KCNQ1: variants seen among roughly 807,000 people sequenced by gnomAD.
KCNQ1 encodes potassium voltage-gated channel subfamily Q member 1, also known as potassium voltage-gated channel subfamily KQT member 1.
KCNQ1 carries 49 observed loss-of-function variants against 72.4 expected under a neutral mutation model. The ratio of observed to expected loss-of-function variants is 0.68; its 90% CI spans 0.54 to 0.86. The LOEUF is 0.86. Among genes scored for constraint, KCNQ1 ranks in the 40% least tolerant of loss-of-function variants. KCNQ1 has a pLI of 0.00. For synonymous variants in KCNQ1, 450 were observed against 412.6 expected (o/e 1.09, Z -1.10); for missense variants, 790 against 945.1 (o/e 0.84, Z 2.15).
At chr11:2,628,911 GA>G (rs765682912) in intron 10 of KCNQ1, 3 of 398,210 alleles carry the variant, frequency 7.5e-6, no homozygotes, top group Non-Finnish European at 1.3e-5. Flanking sequence ...CTTTGTCAAA[GA>G]TTAGTTGACC....
intron 3 of KCNQ1, among the ~76,000 whole-genome samples, chr11:2,571,098 A>G (rs1848326262): frequency 6.6e-6 from 1 of 152,170 alleles, no homozygotes; most frequent in Non-Finnish European, 1.5e-5. Flanking sequence ...GGCTCAGCAC[A>G]GGGCCCAGCC....
At chr11:2,791,319 A>AG (rs1336093456) in intron 15 of KCNQ1, among the ~76,000 whole-genome samples, 1 of 151,826 alleles carries the variant, frequency 6.6e-6, no homozygotes, top group African/African-American at 2.4e-5. Flanking sequence ...GGCCGCCTGC[A>AG]GGGGCCAGGG....
rs2133837678 is a variant in KCNQ1 at position 2,647,320 on chromosome 11, A to G, written c.1394-14641A>G. On this transcript the variant is annotated intron_variant, in intron 10 of 15. Transcript: ENST00000155840. This position sits in a 1 kb window ranked among gnomAD's most constrained non-coding sequence, Gnocchi z 4.0. ...TGAACCATCCTTGAATCCCTGGGAT[A>G]AATCCCACTTGATTATGGTGTATTA... is the stretch of plus-strand genomic sequence containing the variant. The G allele has an allele frequency of 2.5e-6, 1 of 398,562 alleles. No individual in the cohort carries two copies. The highest frequency in any genetic ancestry group is 2.1e-5 in the African/African-American group (1 of 48,760). 24.7% of individuals were successfully genotyped at this position (398,562 alleles called of 1,614,324 possible).
At chr11:2,839,754 G>A (rs561326834) in intron 15 of KCNQ1, 6 of 152,324 alleles carry the variant, frequency 3.9e-5, no homozygotes, top group South Asian at 4.1e-4. Context: ...CTTAGCAGAC[G>A]AGCGCGACCT....
chr11:2,770,516 C>A (rs1846575149), intron 12 of KCNQ1, among the ~76,000 whole-genome samples: 1 of 152,220 alleles, frequency 6.6e-6, no homozygotes, highest in Non-Finnish European at 1.5e-5. Flanking sequence ...GGGGGTTTCG[C>A]ATGCACAGCC....
chr11:2,634,222 A>G (rs1849413954), intron 10 of KCNQ1: 2 of 392,716 alleles, frequency 5.1e-6, no homozygotes, highest in Admixed American at 9.0e-5. Context: ...CACAACGTGC[A>G]GGTTTGTTAC....
rs990016613 is a variant in KCNQ1 at position 2,828,678 on chromosome 11, G to C, written c.1795-19089G>C. ...AGAAAAGCTGAGCCTGAGAGGTTCT[G>C]AACTTGGAGCCACCAGGAGCAGTTG... On this transcript the variant is annotated intron_variant, in intron 15 of 15. Transcript: ENST00000155840. The surrounding 1 kb of genome is among the most constrained non-coding windows in gnomAD (Gnocchi z 5.3). Among the ~76,000 whole-genome samples, 2 of 152,234 alleles carry C rather than the reference G, an allele frequency of 1.3e-5. No individual in the cohort carries two copies. The highest frequency in any genetic ancestry group is 4.8e-5 in the African/African-American group (2 of 41,450).
At chr11:2,692,350 A>C (rs553246705) in intron 11 of KCNQ1, 1 of 398,940 alleles carries the variant, frequency 2.5e-6, no homozygotes, top group Admixed American at 4.4e-5. Flanking sequence ...TCTGTACTGC[A>C]GGCATCTCCT....
chr11:2,518,587 G>A (rs1473242966), intron 1 of KCNQ1, among the ~76,000 whole-genome samples: 1 of 152,218 alleles, frequency 6.6e-6, no homozygotes, highest in African/African-American at 2.4e-5. Flanking sequence ...CAAGAGGCTG[G>A]GGACAGCCTT....
chr11:2,749,850 C>T (rs112425312), intron 11 of KCNQ1, among the ~76,000 whole-genome samples: 13,725 of 150,988 alleles, frequency 0.091, 736 homozygotes, highest in Middle Eastern at 0.15. Context: ...TGGTGGTGGA[C>T]GCCTGTAATC....
At position 2,559,170 on chromosome 11, in the gene KCNQ1, G is replaced by T. The variant is rs768505860; in HGVS notation, c.478-11458G>T. Among the ~76,000 whole-genome samples the T allele has an allele frequency of 1.3e-5, 2 of 152,128 alleles. No homozygotes were observed. Among genetic ancestry groups the T allele is most frequent in the African/African-American group, 4.8e-5 (2 of 41,508 alleles). ...CCCTTGAGCAAAATATTGCACTTTC[G>T]TTGCTCTCTGAAAGCCTACCAGGCA... On this transcript the variant is annotated intron_variant, in intron 2 of 15. Coordinates refer to ENST00000155840, the MANE Select transcript of KCNQ1 (RefSeq NM_000218.3). The surrounding 1 kb of genome is among the most constrained non-coding windows in gnomAD (Gnocchi z 4.9).
At position 2,559,771 on chromosome 11, in the gene KCNQ1, G is replaced by C. The variant is rs1848131891; in HGVS notation, c.478-10857G>C. On this transcript the variant is annotated intron_variant, in intron 2 of 15. Coordinates refer to ENST00000155840, the MANE Select transcript of KCNQ1 (RefSeq NM_000218.3). This position sits in a 1 kb window ranked among gnomAD's most constrained non-coding sequence, Gnocchi z 4.9. Reference sequence around the variant, plus strand: ...CAGCTGGCCGATTGCAGCTCTGAAGGTCAGAGATGGCCGCCAGCTGTGGGA... The same window carrying C: ...CAGCTGGCCGATTGCAGCTCTGAAGCTCAGAGATGGCCGCCAGCTGTGGGA... Among the ~76,000 whole-genome samples the C allele has an allele frequency of 6.6e-6, 1 of 152,138 alleles. No individual in the cohort carries two copies.
rs993211240 is a variant in KCNQ1, at chr11:2,682,324, G to T, written c.1514+20243G>T. On this transcript the variant is annotated intron_variant, in intron 11 of 15. Coordinates refer to ENST00000155840, the MANE Select transcript of KCNQ1 (RefSeq NM_000218.3). This position sits in a 1 kb window ranked among gnomAD's most constrained non-coding sequence, Gnocchi z 5.8. ...CCCCTCCCATTCTTAATGTGTAACT[G>T]TGTGTTTATTTGTGGTAAAGGGTTT... The T allele has an allele frequency of 5.0e-6, 2 of 398,500 alleles. No homozygotes were observed. Among genetic ancestry groups the T allele is most frequent in the African/African-American group, 4.1e-5 (2 of 48,626 alleles). 24.7% of individuals were successfully genotyped at this position (398,500 alleles called of 1,614,324 possible). A position where few individuals can be genotyped will look rare whatever the true frequency, so the allele number is the denominator to read the frequency against.
chr11:2,571,282 C>T, intron 3 of KCNQ1, 43 bp from the exon 4 acceptor site: 1 of 1,509,480 alleles, frequency 6.6e-7, no homozygotes, highest in Non-Finnish European at 9.2e-7. Context: ...GGGGCCCTGG[C>T]TGTGGCGATC....
At chr11:2,553,885 T>G (rs1315459718) in intron 2 of KCNQ1, among the ~76,000 whole-genome samples, 2 of 152,000 alleles carry the variant, frequency 1.3e-5, no homozygotes, top group Non-Finnish European at 2.9e-5. Flanking sequence ...CCAGCTAATT[T>G]TTGTATTTTT....
At chr11:2,755,207 T>C (rs1387652926) in intron 11 of KCNQ1, among the ~76,000 whole-genome samples, 2 of 152,160 alleles carry the variant, frequency 1.3e-5, no homozygotes, top group Non-Finnish European at 2.9e-5. Flanking sequence ...CAGCTCTCTC[T>C]GACCACAGCC....
Position 2,572,080 on chromosome 11 carries a change from C to T in KCNQ1, c.751C>T (p.Leu251=). 2.5e-6 allele frequency: 4 copies of T among 1,612,706 alleles called. 1 individual carries two copies. Among genetic ancestry groups the T allele is most frequent in the South Asian group, 2.2e-5 (2 of 91,072 alleles). Residue 251 remains leucine (L), a synonymous_variant, in exon 5 of 16, where the codon CTG becomes TTG. Coordinates refer to ENST00000155840, the MANE Select transcript of KCNQ1 (RefSeq NM_000218.3). ...CCGCCAGGGAGGCACCTGGAGGCTCCTGGGCTCCGTGGTCTTCATCCACCG... is the reference window on the plus strand; with the variant it reads ...CCGCCAGGGAGGCACCTGGAGGCTCTTGGGCTCCGTGGTCTTCATCCACCG... The part of the protein sequence containing the change: ...VDRQGGTWRL[L]GSVVFIHRQE...
Position 2,695,734 on chromosome 11 carries a change from G to A in KCNQ1, c.1514+33653G>A, listed in dbSNP as rs1010539824. The A allele has an allele frequency of 7.5e-6, 3 of 398,516 alleles. No individual in the cohort carries two copies. The highest frequency in any genetic ancestry group is 4.1e-5 in the African/African-American group (2 of 48,634). The allele number at this position is 398,516 out of a possible 1,614,324, so 24.7% of individuals were successfully genotyped here. A position where few individuals can be genotyped will look rare whatever the true frequency, so the allele number is the denominator to read the frequency against. ...CGTCCCCACCTGCAGCACACAGGGAGGCTTGTTCCTTGCCTTCTGCCAACA... is the reference window on the plus strand; with the variant it reads ...CGTCCCCACCTGCAGCACACAGGGAAGCTTGTTCCTTGCCTTCTGCCAACA... On this transcript the variant is annotated intron_variant, in intron 11 of 15. Transcript: ENST00000155840. This position sits in a 1 kb window ranked among gnomAD's most constrained non-coding sequence, Gnocchi z 5.2.
chr11:2,835,610 C>A (rs1240178155), intron 15 of KCNQ1, among the ~76,000 whole-genome samples: 1 of 152,158 alleles, frequency 6.6e-6, no homozygotes, highest in African/African-American at 2.4e-5. Context: ...GACCCCCTGC[C>A]GTGGCAGAGA....
Sources: gnomAD v4.1 joint callset for allele counts (sites outside exome capture counted in the v4.1 genomes callset) on GRCh38, gnomAD v4.1.1 for gene constraint, Gnocchi (gnomAD v3.1) non-coding constraint, MANE v1.5 for transcripts, NCBI Gene and HGNC (gene_info 2026-07-23, HGNC 2026-07-21) for gene names.